The following TXLNB variants were observed in gnomAD, a reference collection of about 807,000 sequenced individuals.
TXLNB encodes taxilin beta.
In TXLNB, 37 loss-of-function variants were observed where a neutral mutation model predicts 57.4. The observed-to-expected ratio is 0.64, with a 90% CI of 0.50 to 0.85. TXLNB has a LOEUF of 0.85. Among genes scored for constraint, TXLNB ranks in the 40% least tolerant of loss-of-function variants. The pLI is 0.00. For missense variants in TXLNB, 848 were observed against 825.6 expected (o/e 1.03, Z -0.33); for synonymous variants, 302 against 309.6 (o/e 0.98, Z 0.26).
the TXLNB span, among the ~76,000 whole-genome samples, chr6:139,227,970 A>C: frequency 4.6e-5 from 7 of 152,348 alleles, no homozygotes; most frequent in Admixed American, 3.3e-4. Flanking sequence ...GGTGGGTTAC[A>C]TGTGAGAATT....
At chr6:139,272,869 A>G (rs1776800860) in intron 3 of TXLNB, among the ~76,000 whole-genome samples, 2 of 152,092 alleles carry the variant, frequency 1.3e-5, no homozygotes, top group African/African-American at 4.8e-5. Context: ...CCTCATCTCT[A>G]CTAAAAATAC....
rs1777237028 is a variant in TXLNB at position 139,288,705 on chromosome 6, G to A, written c.195C>T (p.Asp65=). ...ISEELNRQLE[D]IINTYGSAAS... ...CAGCAGACCCATAAGTGTTAATGAT[G>A]TCTTCCAGCTGTCGATTCAGCTCTT... The change falls in exon 2 of 10, where the codon GAC becomes GAT. Residue 65 remains aspartate (D), a synonymous_variant. Transcript: ENST00000358430. 6.2e-7 allele frequency: 1 copy of A among 1,614,034 alleles called. No individual in the cohort carries two copies. Among genetic ancestry groups the A allele is most frequent in the Admixed American group, 1.7e-5 (1 of 59,998 alleles).
At chr6:139,238,940 T>G (rs1315634005), downstream of TXLNB, 1 of 152,248 alleles carries the variant, frequency 6.6e-6, no homozygotes, top group African/African-American at 2.4e-5. Context: ...CTGCCTCTCC[T>G]GTTTCTTGTT....
At chr6:139,320,005 T>A in the TXLNB span, among the ~76,000 whole-genome samples, 488 of 152,264 alleles carry the variant, frequency 3.2e-3, 7 homozygotes, top group Non-Finnish European at 7.4e-4. Flanking sequence ...TATATATAAA[T>A]AACTGAAATA....
At chr6:139,231,477 A>T in the TXLNB span, among the ~76,000 whole-genome samples, 1 of 152,188 alleles carries the variant, frequency 6.6e-6, no homozygotes, top group Non-Finnish European at 1.5e-5. Context: ...GCTAGCACAG[A>T]ACCTCATGCA....
the TXLNB span, among the ~76,000 whole-genome samples, chr6:139,172,620 A>G: frequency 2.0e-5 from 3 of 152,226 alleles, no homozygotes; most frequent in African/African-American, 7.2e-5. Flanking sequence ...TAGAAATTCA[A>G]AATTCTCTGT....
Position 139,240,892 on chromosome 6 carries a change from A to G in TXLNB, c.*1634T>C, listed in dbSNP as rs1389271082. 2.0e-5 allele frequency: 3 copies of G among 152,200 alleles called. No individual in the cohort carries two copies. Among genetic ancestry groups the G allele is most frequent in the Non-Finnish European group, 4.4e-5 (3 of 68,034 alleles). The allele number at this position is 152,200 out of a possible 1,614,324, so 9.4% of individuals were successfully genotyped here. ...GAATGGTTTCCTGGATGAGTACTAG[A>G]GAATTTTGTTTCTATCCATTTTTCT... On this transcript the variant is annotated 3_prime_UTR_variant, in exon 10 of 10. Coordinates refer to ENST00000358430, the MANE Select transcript of TXLNB (RefSeq NM_153235.4).
At chr6:139,250,559 A>G (rs1014096488) in intron 7 of TXLNB, among the ~76,000 whole-genome samples, 12 of 151,746 alleles carry the variant, frequency 7.9e-5, no homozygotes, top group African/African-American at 2.9e-4. Context: ...GTCACCTTCT[A>G]TCACAAAATC....
chr6:139,287,786 T>C (rs1444557699), intron 2 of TXLNB, among the ~76,000 whole-genome samples: 2 of 152,252 alleles, frequency 1.3e-5, no homozygotes, highest in African/African-American at 2.4e-5. Context: ...CCAGCCATCG[T>C]TGGTGTCACC....
intron 3 of TXLNB, among the ~76,000 whole-genome samples, chr6:139,272,685 G>T (rs1776795875): frequency 6.6e-6 from 1 of 152,216 alleles, no homozygotes; most frequent in Admixed American, 6.5e-5. Context: ...AGATAGGCGT[G>T]AAATTTCTTG....
At chr6:139,304,549 G>A in the TXLNB span, among the ~76,000 whole-genome samples, 1 of 152,224 alleles carries the variant, frequency 6.6e-6, no homozygotes. Flanking sequence ...AACCAAGCCT[G>A]CTCATGTGAG....
At chr6:139,210,661 C>T in the TXLNB span, among the ~76,000 whole-genome samples, 4 of 152,312 alleles carry the variant, frequency 2.6e-5, no homozygotes, top group South Asian at 2.1e-4. Flanking sequence ...GTGCACCGTG[C>T]GTGAGCCAAA....
chr6:139,195,583 C>T, the TXLNB span, among the ~76,000 whole-genome samples: 1 of 152,098 alleles, frequency 6.6e-6, no homozygotes, highest in East Asian at 1.9e-4. Flanking sequence ...CCAGAAAAAC[C>T]GTGACAGATT....
the TXLNB span, among the ~76,000 whole-genome samples, chr6:139,211,955 G>A: frequency 2.6e-5 from 4 of 152,186 alleles, no homozygotes; most frequent in African/African-American, 2.4e-5. Context: ...AATGAACAAA[G>A]CCTCCAAGAA....
chr6:139,322,802 G>T, the TXLNB span, among the ~76,000 whole-genome samples: 11 of 152,084 alleles, frequency 7.2e-5, no homozygotes, highest in African/African-American at 2.7e-4. Context: ...AAAACACACT[G>T]CACATTTTCT....
the TXLNB span, among the ~76,000 whole-genome samples, chr6:139,171,898 C>T: frequency 6.6e-6 from 1 of 151,162 alleles, no homozygotes; most frequent in African/African-American, 2.4e-5. Flanking sequence ...ATGGTGCTAT[C>T]TCGGCTCACT....
the TXLNB span, among the ~76,000 whole-genome samples, chr6:139,314,559 C>G: frequency 6.6e-6 from 1 of 152,188 alleles, no homozygotes; most frequent in African/African-American, 2.4e-5. Context: ...AAGCTGTAAT[C>G]CAACCACCTT....
At chr6:139,247,954 G>T in intron 7 of TXLNB, 45 bp from the exon 8 acceptor site, 1 of 1,143,014 alleles carries the variant, frequency 8.7e-7, no homozygotes, top group Non-Finnish European at 1.3e-6. Context: ...ACTTCCAGAA[G>T]AAAACATGTC....
intron 2 of TXLNB, chr6:139,277,331 T>G (rs1311858914): frequency 6.4e-6 from 1 of 155,242 alleles, no homozygotes; most frequent in African/African-American, 2.4e-5. Context: ...CCAATCAAAA[T>G]TTCCGACTAG....
Sources: gnomAD v4.1 joint callset for allele counts (sites outside exome capture counted in the v4.1 genomes callset) on GRCh38, gnomAD v4.1.1 for gene constraint, MANE v1.5 for transcripts, NCBI Gene and HGNC (gene_info 2026-07-23, HGNC 2026-07-21) for gene names.